ZC3H12B: variants seen among roughly 807,000 people sequenced by gnomAD.
The protein encoded by ZC3H12B is probable ribonuclease ZC3H12B.
ZC3H12B carries 7 observed loss-of-function variants against 43.9 expected under a neutral mutation model. The ratio of observed to expected loss-of-function variants is 0.16; its 90% CI spans 0.09 to 0.30. The LOEUF (loss-of-function observed/expected upper bound fraction) is 0.30. Ranked by LOEUF, ZC3H12B falls within the 10% of genes least tolerant of loss-of-function variation. ZC3H12B has a pLI of 1.00. For synonymous variants in ZC3H12B, 222 were observed against 241.7 expected, an observed-to-expected ratio of 0.92 and a Z score of 0.76; for missense variants, 475 against 670.2, an observed-to-expected ratio of 0.71 and a Z score of 3.22.
chrX:65,334,557 T>A, the ZC3H12B span, among the ~76,000 whole-genome samples: 8 of 112,213 alleles, frequency 7.1e-5, no homozygotes, highest in African/African-American at 2.6e-4. Context: ...CTGAAAAAAA[T>A]ATTTTTAAGC....
the ZC3H12B span, among the ~76,000 whole-genome samples, chrX:65,116,639 A>C: frequency 9.1e-6 from 1 of 110,015 alleles, no homozygotes; most frequent in Non-Finnish European, 1.9e-5. Flanking sequence ...ATGTGTATAC[A>C]TGTGCCATGT....
the ZC3H12B span, among the ~76,000 whole-genome samples, chrX:65,183,842 T>G: frequency 1.8e-5 from 2 of 111,587 alleles, no homozygotes; most frequent in Non-Finnish European, 1.9e-5. Context: ...GGAATATTTA[T>G]AGATAAGTTG....
chrX:65,422,127 A>G (rs899486381), intron 3 of ZC3H12B, among the ~76,000 whole-genome samples: 9 of 111,116 alleles, frequency 8.1e-5, no homozygotes. Flanking sequence ...AAGGTTCTCC[A>G]TAGGACTATA....
chrX:65,392,818 G>A (rs1006506759), intron 2 of ZC3H12B, among the ~76,000 whole-genome samples: 3 of 113,038 alleles, frequency 2.7e-5, no homozygotes, highest in Non-Finnish European at 5.6e-5. Context: ...GGGAAATGTG[G>A]GGAAAAGAAA....
At chrX:65,183,419 AGG>A in the ZC3H12B span, among the ~76,000 whole-genome samples, 2 of 111,104 alleles carry the variant, frequency 1.8e-5, no homozygotes, top group African/African-American at 6.5e-5. Flanking sequence ...TTGAGGTTGG[AGG>A]GTGGGAGGGG....
chrX:65,450,532 TATGTATAC>T (rs2067468669), intron 3 of ZC3H12B, among the ~76,000 whole-genome samples: 1 of 2 alleles, frequency 0.5, no homozygotes, highest in East Asian at 1. Flanking sequence ...TATATATGTA[TATGTATAC>T]ATATGTGTAT....
chrX:65,195,659 G>T, the ZC3H12B span, among the ~76,000 whole-genome samples: 2 of 112,523 alleles, frequency 1.8e-5, no homozygotes, highest in Non-Finnish European at 3.8e-5. Context: ...CTGAGAGTTT[G>T]CATAGCTTCA....
At chrX:65,125,689 C>A in the ZC3H12B span, among the ~76,000 whole-genome samples, 1 of 110,565 alleles carries the variant, frequency 9.0e-6, no homozygotes, top group Non-Finnish European at 1.9e-5. Flanking sequence ...TAGAATTTTT[C>A]TGTTGGATGA....
intron 3 of ZC3H12B, among the ~76,000 whole-genome samples, chrX:65,433,876 G>A (rs2067190936): frequency 8.9e-6 from 1 of 111,883 alleles, no homozygotes; most frequent in South Asian, 3.8e-4. Context: ...TGATTGAAGG[G>A]TCATGATTCT....
chrX:65,347,581 A>G, the ZC3H12B span, among the ~76,000 whole-genome samples: 1 of 111,934 alleles, frequency 8.9e-6, no homozygotes, highest in Non-Finnish European at 1.9e-5. Context: ...AAAAGTCAGG[A>G]AACAGCAGGT....
intron 2 of ZC3H12B, among the ~76,000 whole-genome samples, chrX:65,390,961 C>G (rs2066607509): frequency 9.0e-6 from 1 of 111,179 alleles, no homozygotes; most frequent in South Asian, 3.8e-4. Flanking sequence ...GCAAAGAGAC[C>G]AACAATAGAA....
the ZC3H12B span, among the ~76,000 whole-genome samples, chrX:65,292,298 C>CA: frequency 1.1e-4 from 12 of 111,637 alleles, no homozygotes; most frequent in African/African-American, 3.9e-4. Context: ...AAACAGCATG[C>CA]AAAAAAGAAT....
At chrX:65,401,056 A>T (rs1000580709) in intron 3 of ZC3H12B, among the ~76,000 whole-genome samples, 1 of 107,685 alleles carries the variant, frequency 9.3e-6, no homozygotes, top group Non-Finnish European at 1.9e-5. Context: ...CCTCGCAAGG[A>T]CATCAATTTA....
chrX:65,215,302 G>A, the ZC3H12B span, among the ~76,000 whole-genome samples: 1 of 111,631 alleles, frequency 9.0e-6, no homozygotes, highest in Non-Finnish European at 1.9e-5. Context: ...GAAAGTCGTC[G>A]ATGGCAGCTT....
chrX:65,252,975 G>T, the ZC3H12B span, among the ~76,000 whole-genome samples: 4 of 111,973 alleles, frequency 3.6e-5, no homozygotes, highest in Non-Finnish European at 5.6e-5. Context: ...TGAACATGTA[G>T]AGCAGCAATA....
At chrX:65,052,634 G>T in the ZC3H12B span, among the ~76,000 whole-genome samples, 1 of 111,207 alleles carries the variant, frequency 9.0e-6, no homozygotes, top group Admixed American at 9.6e-5. Context: ...TGGTTGAGTA[G>T]TATTCCATTG....
the ZC3H12B span, among the ~76,000 whole-genome samples, chrX:65,120,861 A>G: frequency 2.7e-5 from 3 of 111,135 alleles, no homozygotes; most frequent in Non-Finnish European, 5.7e-5. Context: ...TAGCATGAAG[A>G]GTTGTTGAAT....
the ZC3H12B span, among the ~76,000 whole-genome samples, chrX:65,149,712 C>T: frequency 1.2e-4 from 13 of 104,678 alleles, no homozygotes; most frequent in Non-Finnish European, 2.0e-4. Flanking sequence ...TGCAGTGAGC[C>T]GAGATCACAC....
At chrX:65,442,388 T>C (rs2067313359) in intron 3 of ZC3H12B, among the ~76,000 whole-genome samples, 1 of 111,302 alleles carries the variant, frequency 9.0e-6, no homozygotes, top group Non-Finnish European at 1.9e-5. Flanking sequence ...GTCCCTGTTT[T>C]ATAGCACTAA....
Sources: gnomAD v4.1 joint callset for allele counts (sites outside exome capture counted in the v4.1 genomes callset) on GRCh38, gnomAD v4.1.1 for gene constraint, MANE v1.5 for transcripts, NCBI Gene and HGNC (gene_info 2026-07-23, HGNC 2026-07-21) for gene names.